RNMT: variants seen among roughly 807,000 people sequenced by gnomAD.
RNMT encodes RNA guanine-7 methyltransferase, also known as mRNA cap guanine-N(7) methyltransferase.
Under a neutral mutation model 56.0 loss-of-function variants are expected in RNMT, and 27 were observed. The ratio of observed to expected loss-of-function variants is 0.48; its 90% CI spans 0.36 to 0.67. The LOEUF (loss-of-function observed/expected upper bound fraction) is 0.67, where lower values mean the gene tolerates loss of function less well. Among genes scored for constraint, RNMT ranks in the 30% least tolerant of loss-of-function variants. RNMT has a pLI of 0.00. For synonymous variants in RNMT, 184 were observed against 176.2 expected, an observed-to-expected ratio of 1.04 and a Z score of -0.35; for missense variants, 519 against 552.1, an observed-to-expected ratio of 0.94 and a Z score of 0.60.
At chr18:13,737,362 T>G (rs1160178702) in intron 5 of RNMT, among the ~76,000 whole-genome samples, 2 of 152,030 alleles carry the variant, frequency 1.3e-5, no homozygotes, top group Non-Finnish European at 2.9e-5. Context: ...GCCAACATTG[T>G]GAAACCCTGT....
At chr18:13,746,737 A>G (rs1046282838) in intron 9 of RNMT, among the ~76,000 whole-genome samples, 15 of 152,236 alleles carry the variant, frequency 9.9e-5, no homozygotes, top group African/African-American at 3.1e-4. Flanking sequence ...CTCTCCAGAC[A>G]TTGCCAAATG....
chr18:13,752,754 G>GA (rs1429027905), intron 10 of RNMT, among the ~76,000 whole-genome samples: 2 of 152,152 alleles, frequency 1.3e-5, no homozygotes, highest in Admixed American at 6.5e-5. Flanking sequence ...ATTTAAATGG[G>GA]AAAAAATTAC....
intron 11 of RNMT, among the ~76,000 whole-genome samples, chr18:13,759,620 A>C (rs1324314953): frequency 1.3e-5 from 2 of 151,762 alleles, no homozygotes; most frequent in Non-Finnish European, 2.9e-5. Flanking sequence ...TATAATTTTA[A>C]TTTGTTATAC....
Position 13,762,463 on chromosome 18 carries a change from C to A in RNMT, c.*2484C>A. The A allele has an allele frequency of 3.6e-6, 1 of 277,048 alleles. No homozygotes were observed. Among genetic ancestry groups the A allele is most frequent in the Non-Finnish European group, 6.8e-6 (1 of 147,150 alleles). The allele number at this position is 277,048 out of a possible 1,614,324, so 17.2% of individuals were successfully genotyped here. A position where few individuals can be genotyped will look rare whatever the true frequency, so the allele number is the denominator to read the frequency against. On this transcript the variant is annotated 3_prime_UTR_variant, in exon 12 of 12. Transcript: ENST00000383314. ...GCTTGGCCCTGCTGTGCCTTCAGTA[C>A]CCAGCCAGGTTCTCTGGGTCCAGGG...
At chr18:13,751,927 A>G (rs2044454744) in intron 9 of RNMT, among the ~76,000 whole-genome samples, 1 of 151,848 alleles carries the variant, frequency 6.6e-6, no homozygotes. Context: ...ATGAGAACAC[A>G]TGGACACAGG....
In RNMT at chr18:13,740,170, T is replaced by C. The variant is rs561383779; in HGVS notation, c.683T>C (p.Ile228Thr). The change falls in exon 6 of 12, where the codon ATT (isoleucine) becomes ACT (threonine). Residue 228 changes from isoleucine to threonine, a missense_variant. Coordinates refer to ENST00000383314, the MANE Select transcript of RNMT (RefSeq NM_003799.3). Reference sequence around the variant, plus strand: ...TAATACCCTTCCATCCTTCCAGATATTGCCGATGTTTCTGTCAAACAGTGT... The same window carrying C: ...TAATACCCTTCCATCCTTCCAGATACTGCCGATGTTTCTGTCAAACAGTGT... ...GRINKLVCTD[I>T]ADVSVKQCQQ... 9 of 1,594,788 alleles carry C rather than the reference T, an allele frequency of 5.6e-6. No individual in the cohort carries two copies. The South Asian group carries it at 6.6e-5, about 12-fold the overall frequency.
In RNMT at chr18:13,731,641, G is replaced by A; in HGVS notation, c.124G>A (p.Gly42Arg). 6.2e-7 allele frequency: 1 copy of A among 1,614,116 alleles called. No individual in the cohort carries two copies. Among genetic ancestry groups the A allele is most frequent in the Non-Finnish European group, 8.5e-7 (1 of 1,180,002 alleles). The change falls in exon 3 of 12, where the codon GGG becomes AGG. Residue 42 changes from glycine to arginine, a missense_variant. Physicochemically the swap from Gly to Arg is moderately radical, Grantham distance 125. Coordinates refer to ENST00000383314, the MANE Select transcript of RNMT (RefSeq NM_003799.3). ...TGAAAACACAACAGCTTCTGGGACTGGGCTTTCTGAAAAGACTTCTGTCTG... is the reference window on the plus strand; with the variant it reads ...TGAAAACACAACAGCTTCTGGGACTAGGCTTTCTGAAAAGACTTCTGTCTG... The part of the protein sequence containing the change: ...INENTTASGT[G>R]LSEKTSVCRQ...
At chr18:13,752,482 A>T in intron 10 of RNMT, 55 bp downstream of exon 10, 1 of 1,031,782 alleles carries the variant, frequency 9.7e-7, no homozygotes, top group Non-Finnish European at 1.5e-6. Context: ...GAACATGCTT[A>T]TATGGAGACA....
At chr18:13,738,631 T>G (rs1158267020) in intron 5 of RNMT, among the ~76,000 whole-genome samples, 1 of 152,198 alleles carries the variant, frequency 6.6e-6, no homozygotes, top group Non-Finnish European at 1.5e-5. Context: ...ACTTGGAAAA[T>G]ACTGTTCACT....
chr18:13,756,418 G>T (rs1054447355), intron 11 of RNMT, among the ~76,000 whole-genome samples: 1 of 152,132 alleles, frequency 6.6e-6, no homozygotes, highest in African/African-American at 2.4e-5. Flanking sequence ...ATTGCTATGG[G>T]TGTGTGGGGG....
In RNMT at chr18:13,761,618, C is replaced by T. The variant is rs1334926151; in HGVS notation, c.*1639C>T. ...AACGATGGAGTAGCCAGTGGTAATA[C>T]AAAGCAGGGAGAACAGAAAGGTAGA... On this transcript the variant is annotated 3_prime_UTR_variant, in exon 12 of 12. Coordinates refer to ENST00000383314, the MANE Select transcript of RNMT (RefSeq NM_003799.3). The T allele has an allele frequency of 1.0e-6, 1 of 998,786 alleles. No homozygotes were observed. The highest frequency in any genetic ancestry group is 1.2e-6 in the Non-Finnish European group (1 of 837,932). 61.9% of individuals were successfully genotyped at this position (998,786 alleles called of 1,614,324 possible).
At chr18:13,753,816 T>TACACACACACAC (rs3138630) in intron 10 of RNMT, among the ~76,000 whole-genome samples, 7,640 of 144,330 alleles carry the variant, frequency 0.053, 213 homozygotes, top group African/African-American at 0.063. Flanking sequence ...ATTTTCCAGT[T>TACACACACACAC]ACACACACAC....
intron 10 of RNMT, among the ~76,000 whole-genome samples, chr18:13,753,265 G>A (rs148840354): frequency 5.7e-4 from 86 of 152,098 alleles, no homozygotes; most frequent in African/African-American, 1.8e-3. Flanking sequence ...TCAGGAAATC[G>A]AGACCATACT....
In RNMT at chr18:13,761,089, A is replaced by G. The variant is rs2044613555; in HGVS notation, c.*1110A>G. The G allele has an allele frequency of 1.0e-6, 1 of 985,270 alleles. No individual in the cohort carries two copies. Among genetic ancestry groups the G allele is most frequent in the Non-Finnish European group, 1.2e-6 (1 of 829,750 alleles). The allele number at this position is 985,270 out of a possible 1,614,324, so 61.0% of individuals were successfully genotyped here. The stretch of plus-strand genomic sequence containing the variant: ...TTTAAATTATTAAGCCATGATTTAC[A>G]AAAACATTACTTTCTGTAATTCACA... On this transcript the variant is annotated 3_prime_UTR_variant, in exon 12 of 12. Transcript: ENST00000383314.
chr18:13,754,208 A>G lies in RNMT; in HGVS notation c.1393+61A>G, dbSNP rs1387872589. ...TCAAAAGTCCTGTTTCAAAGTGATCATTAAAACCTGAAAAAAGGCTGGGCA... is the reference window on the plus strand; with the variant it reads ...TCAAAAGTCCTGTTTCAAAGTGATCGTTAAAACCTGAAAAAAGGCTGGGCA... On this transcript the variant is annotated intron_variant, in intron 11 of 11. Coordinates refer to ENST00000383314, the MANE Select transcript of RNMT (RefSeq NM_003799.3). 4 of 1,176,926 alleles carry G rather than the reference A, an allele frequency of 3.4e-6. No homozygotes were observed. In the African/African-American group the frequency reaches 4.6e-5, roughly 14 times the overall value. 72.9% of individuals were successfully genotyped at this position (1,176,926 alleles called of 1,614,324 possible).
intron 8 of RNMT, among the ~76,000 whole-genome samples, chr18:13,744,460 C>T (rs549644343): frequency 4.7e-5 from 7 of 149,572 alleles, no homozygotes; most frequent in Non-Finnish European, 5.9e-5. Context: ...GATTTACAAA[C>T]GAAAATGAAC....
At position 13,760,023 on chromosome 18, in the gene RNMT, C is replaced by G. The variant is rs1176133567; in HGVS notation, c.*44C>G. ...CAGAGGGGCCGTGTTCTGTCCTGCA[C>G]AAATTTGAACAACTCATCTCGATAT... On this transcript the variant is annotated 3_prime_UTR_variant, in exon 12 of 12. Transcript: ENST00000383314. 3 of 1,602,856 alleles carry G rather than the reference C, an allele frequency of 1.9e-6. No homozygotes were observed. The highest frequency in any genetic ancestry group is 2.7e-5 in the African/African-American group (2 of 74,576).
intron 5 of RNMT, 51 bp downstream of exon 5, chr18:13,737,186 A>G (rs939266800): frequency 2.0e-6 from 3 of 1,482,188 alleles, no homozygotes; most frequent in Non-Finnish European, 2.8e-6. Flanking sequence ...AGATAAATGG[A>G]AAATAAGAAG....
intron 11 of RNMT, among the ~76,000 whole-genome samples, chr18:13,757,797 G>A (rs567381853): frequency 1.3e-5 from 2 of 152,208 alleles, no homozygotes; most frequent in Admixed American, 6.5e-5. Context: ...TTTCCATCAG[G>A]TTTTTTATTT....
Sources: allele counts gnomAD v4.1 joint callset (sites outside exome capture counted in the v4.1 genomes callset), GRCh38; gene constraint gnomAD v4.1.1; transcripts MANE v1.5; gene names NCBI Gene and HGNC (gene_info 2026-07-23, HGNC 2026-07-21).